The following DDX17 variants were observed in gnomAD, a reference collection of about 807,000 sequenced individuals.
DDX17 encodes probable ATP-dependent RNA helicase DDX17.
A neutral mutation model predicts 80.8 loss-of-function variants in DDX17; 10 were observed. The observed-to-expected ratio is 0.12, with a 90% CI of 0.08 to 0.21. The LOEUF is 0.21. Ranked by LOEUF, DDX17 falls within the 10% of genes least tolerant of loss-of-function variation. DDX17 has a pLI of 1.00. For synonymous variants in DDX17, 339 were observed against 336.2 expected (o/e 1.01, Z -0.09); for missense variants, 586 against 957.4 (o/e 0.61, Z 5.12).
At position 38,506,151 on chromosome 22, in the gene DDX17, T is replaced by C. The variant is rs1213254822; in HGVS notation, c.87A>G (p.Gly29=). ...CGCTCTCTCGCTCCGACGCGCTGTC[T>C]CCCGTCGCAGACGCCACCGTCGCCG... The change falls in exon 1 of 13, where the codon GGA becomes GGG. Residue 29 remains glycine (G), a synonymous_variant. Transcript: ENST00000403230. 6.3e-7 allele frequency: 1 copy of C among 1,586,412 alleles called. No individual in the cohort carries two copies. Among genetic ancestry groups the C allele is most frequent in the Admixed American group, 1.8e-5 (1 of 54,258 alleles).
chr22:38,487,745 A>G (rs1406316156), intron 12 of DDX17, 134 bp downstream of exon 12: 1 of 833,734 alleles, frequency 1.2e-6, no homozygotes, highest in Non-Finnish European at 1.9e-6. Flanking sequence ...AGGTTATAAA[A>G]AGCATTAGGC....
chr22:38,495,695 T>C, intron 6 of DDX17, 101 bp downstream of exon 6: 1 of 945,154 alleles, frequency 1.1e-6, no homozygotes. Context: ...CTGCTGAAAT[T>C]CTGAGTTTAT....
At chr22:38,495,554 A>G (rs1297073216) in intron 6 of DDX17, among the ~76,000 whole-genome samples, 1 of 152,186 alleles carries the variant, frequency 6.6e-6, no homozygotes, top group East Asian at 1.9e-4. Context: ...CAGAGAAGCT[A>G]AATTTTAACA....
At position 38,506,269 on chromosome 22, in the gene DDX17, G is replaced by T; in HGVS notation, c.-32C>A. On this transcript the variant is annotated 5_prime_UTR_variant, in exon 1 of 13. Transcript: ENST00000403230. Reference sequence around the variant, plus strand: ...CTACGCTCAAACCGGGCAGTGCCGCGGTTTAGGCGTCTCCTTCCTTCCCAG... The same window carrying T: ...CTACGCTCAAACCGGGCAGTGCCGCTGTTTAGGCGTCTCCTTCCTTCCCAG... 1 of 1,555,372 alleles carries T rather than the reference G, an allele frequency of 6.4e-7. No homozygotes were observed. Among genetic ancestry groups the T allele is most frequent in the Non-Finnish European group, 8.7e-7 (1 of 1,155,202 alleles).
intron 8 of DDX17, 126 bp downstream of exon 8, chr22:38,494,504 G>A (rs146507560): frequency 1.2e-6 from 1 of 834,308 alleles, no homozygotes; most frequent in African/African-American, 1.7e-5. Flanking sequence ...TGGATTATCA[G>A]AAACCTAGCA....
chr22:38,497,619 C>CAAAAAAAAAAAAAAAA lies in DDX17; in HGVS notation c.738+450_738+465dup, dbSNP rs138449. Among the ~76,000 whole-genome samples, 71 of 74,858 alleles carry CAAAAAAAAAAAAAAAA rather than the reference C, an allele frequency of 9.5e-4. 1 individual carries two copies. Among genetic ancestry groups the CAAAAAAAAAAAAAAAA allele is most frequent in the African/African-American group, 2.4e-3 (42 of 17,716 alleles). The allele number at this position is 74,858 out of a possible 152,430, so 49.1% of individuals were successfully genotyped here. On this transcript the variant is annotated intron_variant, in intron 5 of 12. Transcript: ENST00000403230. ...GGCAACAAGAGTGAGAATATATCTCCAAAAAAAAAAAAAAAAAAGAAAGAA... is the reference window on the plus strand; with the variant it reads ...GGCAACAAGAGTGAGAATATATCTCCAAAAAAAAAAAAAAAAAAAAAAAAAAAAAAAAAAGAAAGAA...
rs377625856 is a variant in DDX17, at chr22:38,487,883, G to A, written c.1680C>T (p.Gly560=). Residue 560 remains glycine (G), a synonymous_variant, in exon 12 of 13, where the codon GGC becomes GGT. Coordinates refer to ENST00000403230, the MANE Select transcript of DDX17 (RefSeq NM_006386.5). ...AACTCCAGGACTTACCCTTACCCCC[G>A]CCTCCGCCGCCTCCTCTGTGGTCCA... 1.1e-5 allele frequency: 17 copies of A among 1,614,092 alleles called. No homozygotes were observed. Among genetic ancestry groups the A allele is most frequent in the Middle Eastern group, 3.3e-4 (2 of 6,012 alleles).
chr22:38,497,790 A>G (rs537192155), intron 5 of DDX17, among the ~76,000 whole-genome samples: 1 of 152,050 alleles, frequency 6.6e-6, no homozygotes, highest in South Asian at 2.1e-4. Context: ...CAAAACAAAA[A>G]AACAAAAAAA....
chr22:38,494,180 G>T (rs2089739062), intron 8 of DDX17, 49 bp from the exon 9 acceptor site: 2 of 1,271,306 alleles, frequency 1.6e-6, no homozygotes, highest in Non-Finnish European at 1.1e-6. Context: ...GTTATTATGT[G>T]GACGATTATG....
Position 38,485,943 on chromosome 22 carries a change from G to A in DDX17, c.2182C>T (p.Arg728Cys), listed in dbSNP as rs780966058. ...CTACCACTTGAGTGGTTTCATTTAC[G>A]TGAAGGAGGAGGAGGGGGAGGAGGA... The change falls in exon 13 of 13, where the codon CGT becomes TGT. Residue 728 changes from arginine to cysteine, a missense_variant. Arg to Cys is a radical substitution (Grantham distance 180). This residue lies in a region of DDX17 where 221 missense variants were observed against 261.4 expected (regional missense o/e 0.85). Coordinates refer to ENST00000403230, the MANE Select transcript of DDX17 (RefSeq NM_006386.5). The A allele has an allele frequency of 2.5e-6, 4 of 1,613,520 alleles. 1 individual carries two copies. The highest frequency in any genetic ancestry group is 2.2e-5 in the East Asian group (1 of 44,896).
At chr22:38,489,000 G>T in intron 11 of DDX17, 1 of 985,300 alleles carries the variant, frequency 1.0e-6, no homozygotes. Context: ...CTGGGAATTG[G>T]GCTGAATAAC....
chr22:38,487,024 T>C (rs1382007552), intron 12 of DDX17, among the ~76,000 whole-genome samples: 1 of 151,894 alleles, frequency 6.6e-6, no homozygotes, highest in Non-Finnish European at 1.5e-5. Flanking sequence ...AAAAATTAGC[T>C]GGACATGGTG....
intron 6 of DDX17, 141 bp from the exon 7 acceptor site, chr22:38,495,187 C>T (rs966743341): frequency 1.4e-5 from 10 of 734,488 alleles, no homozygotes; most frequent in Non-Finnish European, 2.2e-5. Flanking sequence ...AAGACCCCGA[C>T]TCTACAAAAA....
chr22:38,492,173 T>C, intron 10 of DDX17, 58 bp from the exon 11 acceptor site: 22 of 1,411,702 alleles, frequency 1.6e-5, no homozygotes, highest in East Asian at 2.4e-5. Context: ...CTGATCTGTT[T>C]ACATAACCAT....
chr22:38,501,185 G>C lies in DDX17; in HGVS notation c.383C>G (p.Pro128Arg), dbSNP rs745353975. The C allele has an allele frequency of 1.2e-6, 2 of 1,613,488 alleles. No individual in the cohort carries two copies. Among genetic ancestry groups the C allele is most frequent in the Non-Finnish European group, 1.7e-6 (2 of 1,179,870 alleles). ...CACATAAAAATTTTTCTCAAACTTG[G>C]GGAGCTCACTCAAATCCCACTTTTT... The change falls in exon 2 of 13, where the codon CCC becomes CGC. Residue 128 changes from proline to arginine, a missense_variant. Physicochemically the swap from Pro to Arg is moderately radical, Grantham distance 103. Transcript: ENST00000403230.
At chr22:38,496,073 G>C in intron 5 of DDX17, 136 bp from the exon 6 acceptor site, 1 of 738,022 alleles carries the variant, frequency 1.4e-6, no homozygotes, top group Middle Eastern at 4.2e-4. Context: ...ATGGGGTGAA[G>C]ATCAGAAGTG....
In DDX17 at chr22:38,485,839, GAAAAAAAA is replaced by G; in HGVS notation, c.*88_*95del. On this transcript the variant is annotated 3_prime_UTR_variant, in exon 13 of 13. Coordinates refer to ENST00000403230, the MANE Select transcript of DDX17 (RefSeq NM_006386.5). ...AATTAAAAAAAAAAAAAGAAAAAAG[GAAAAAAAA>G]AGAAAAGGCGAAGAGGAAAAAAAAA... 7.4e-7 allele frequency: 1 copy of G among 1,343,972 alleles called. No individual in the cohort carries two copies. Among genetic ancestry groups the G allele is most frequent in the South Asian group, 1.7e-5 (1 of 59,452 alleles). 83.3% of individuals were successfully genotyped at this position (1,343,972 alleles called of 1,614,324 possible).
In DDX17 at chr22:38,505,881, C is replaced by T. The variant is rs1242722230; in HGVS notation, c.287+70G>A. ...GAGCAAGGCTCCCAGGCTCGCAGTC[C>T]GCCGGGCCTCCCCAAGAAGCAACTC... On this transcript the variant is annotated intron_variant, in intron 1 of 12. Transcript: ENST00000403230. The T allele has an allele frequency of 9.3e-6, 14 of 1,508,652 alleles. No individual in the cohort carries two copies. The East Asian group carries it at 1.3e-4, about 14-fold the overall frequency. 93.5% of individuals were successfully genotyped at this position (1,508,652 alleles called of 1,614,324 possible).
At chr22:38,497,120 AC>A (rs2089776255) in intron 5 of DDX17, among the ~76,000 whole-genome samples, 1 of 150,758 alleles carries the variant, frequency 6.6e-6, no homozygotes, top group Admixed American at 6.6e-5. Context: ...ACATGGTGAA[AC>A]CCCGTCTCTA....
Sources: allele counts gnomAD v4.1 joint callset (sites outside exome capture counted in the v4.1 genomes callset), GRCh38; gene constraint gnomAD v4.1.1; regional missense constraint gnomAD v4.1.1; transcripts MANE v1.5; gene names NCBI Gene and HGNC (gene_info 2026-07-23, HGNC 2026-07-21).